Variants in ZKSCAN5 observed in about 807,000 individuals in gnomAD.
The protein encoded by ZKSCAN5 is zinc finger protein with KRAB and SCAN domains 5.
A neutral mutation model predicts 60.0 loss-of-function variants in ZKSCAN5; 28 were observed. The observed-to-expected ratio is 0.47, with a 90% confidence interval of 0.35 to 0.64. The LOEUF (loss-of-function observed/expected upper bound fraction) is 0.64, where lower values mean the gene tolerates loss of function less well. ZKSCAN5 is among the 30% of genes least tolerant of loss of function. The probability of loss-of-function intolerance (pLI) is 0.01; values close to 1 mark genes in which losing one functional copy is unlikely to be tolerated. For synonymous variants in ZKSCAN5, 361 were observed against 371.2 expected, an observed-to-expected ratio of 0.97 and a Z score of 0.31; for missense variants, 881 against 1,034.6, an observed-to-expected ratio of 0.85 and a Z score of 2.04.
At position 99,506,463 on chromosome 7, in the gene ZKSCAN5, G is replaced by C. The variant is rs2151091442; in HGVS notation, c.414+5G>C. The C allele has an allele frequency of 6.2e-7, 1 of 1,603,380 alleles. No individual in the cohort carries two copies. Among genetic ancestry groups the C allele is most frequent in the South Asian group, 1.1e-5 (1 of 89,992 alleles). On this transcript the variant is annotated splice_donor_5th_base_variant and intron_variant, in intron 2 of 6. Transcript: ENST00000326775. Reference sequence around the variant, plus strand: ...CTTGAGGAACGCAGACAGCAGGTGAGTCAAAGAGAAGCTATATGAGCAATG... The same window carrying C: ...CTTGAGGAACGCAGACAGCAGGTGACTCAAAGAGAAGCTATATGAGCAATG...
Position 99,511,907 on chromosome 7 carries a change from A to T in ZKSCAN5, c.415-546A>T, listed in dbSNP as rs191101629. ...CAGGTTCATGCCATTCTCCTGCCTCAGCCTCCTGAGTAGCTGGGACTACAG... is the reference window on the plus strand; with the variant it reads ...CAGGTTCATGCCATTCTCCTGCCTCTGCCTCCTGAGTAGCTGGGACTACAG... On this transcript the variant is annotated intron_variant, in intron 2 of 6. Coordinates refer to ENST00000326775, the MANE Select transcript of ZKSCAN5 (RefSeq NM_145102.4). Among the ~76,000 whole-genome samples, 632 of 152,002 alleles carry T rather than the reference A, an allele frequency of 4.2e-3. 5 individuals are homozygous for T. Among genetic ancestry groups the T allele is most frequent in the African/African-American group, 0.015 (613 of 41,432 alleles).
intron 3 of ZKSCAN5, among the ~76,000 whole-genome samples, chr7:99,518,303 C>T (rs1278279071): frequency 6.6e-6 from 1 of 151,904 alleles, no homozygotes; most frequent in Non-Finnish European, 1.5e-5. Context: ...CACCTGTAAT[C>T]CTAGCTACTC....
Position 99,532,184 on chromosome 7 carries a change from C to T in ZKSCAN5, c.2455C>T (p.His819Tyr), listed in dbSNP as rs781320477. 24 of 1,613,206 alleles carry T rather than the reference C, an allele frequency of 1.5e-5. 1 individual carries two copies. The South Asian group carries it at 2.4e-4, about 16-fold the overall frequency. ...CAGCTGGAGTTGTAGCCTCTTTAAA[C>T]ACCTGAGAAGCCATGAGAGGACAGA... ...NFSWSCSLFKHLRSHERTDPI... is the reference protein window; with the variant it reads ...NFSWSCSLFKYLRSHERTDPI... The change falls in exon 7 of 7, where the codon CAC (histidine) becomes TAC (tyrosine). Residue 819 changes from histidine to tyrosine, a missense_variant. Physicochemically the swap from His to Tyr is moderately conservative, Grantham distance 83. Around this residue, in one of 5 missense-constraint regions of ZKSCAN5, gnomAD observed 138 missense variants for 143.8 expected, o/e 0.96. Transcript: ENST00000326775.
chr7:99,511,587 G>A (rs965888753), intron 2 of ZKSCAN5, among the ~76,000 whole-genome samples: 2 of 150,956 alleles, frequency 1.3e-5, no homozygotes, highest in African/African-American at 4.9e-5. Flanking sequence ...GGACCACAGG[G>A]ACATGCCACC....
Position 99,532,884 on chromosome 7 carries a change from G to C in ZKSCAN5, c.*635G>C, listed in dbSNP as rs1802114203. 1 of 162,574 alleles carries C rather than the reference G, an allele frequency of 6.2e-6. No individual in the cohort carries two copies. Among genetic ancestry groups the C allele is most frequent in the Admixed American group, 6.0e-5 (1 of 16,604 alleles). 10.1% of individuals were successfully genotyped at this position (162,574 alleles called of 1,614,324 possible). ...GCCTTATTCAATCCACCACTTCTCTGTGAAACACTCTACCTTGTTTTTGGT... is the reference window on the plus strand; with the variant it reads ...GCCTTATTCAATCCACCACTTCTCTCTGAAACACTCTACCTTGTTTTTGGT... On this transcript the variant is annotated 3_prime_UTR_variant, in exon 7 of 7. Transcript: ENST00000326775.
At chr7:99,519,544 T>C (rs548764844) in intron 3 of ZKSCAN5, among the ~76,000 whole-genome samples, 2 of 152,274 alleles carry the variant, frequency 1.3e-5, no homozygotes, top group South Asian at 4.1e-4. Flanking sequence ...CCCAAAGTGC[T>C]GGTATTACAG....
chr7:99,505,934 C>T lies in ZKSCAN5; in HGVS notation c.-40-71C>T, dbSNP rs964055007. ...TCTTTGCTAATAATGATGCCCAATA[C>T]ATCAGTAGGTTGCATGCTACTGAAA... is the stretch of plus-strand genomic sequence containing the variant. On this transcript the variant is annotated intron_variant, in intron 1 of 6. Transcript: ENST00000326775. 18 of 1,273,462 alleles carry T rather than the reference C, an allele frequency of 1.4e-5. No homozygotes were observed. In the East Asian group the frequency reaches 1.6e-4, roughly 12 times the overall value. The allele number at this position is 1,273,462 out of a possible 1,614,324, so 78.9% of individuals were successfully genotyped here.
At chr7:99,507,253 C>T (rs1314162529) in intron 2 of ZKSCAN5, among the ~76,000 whole-genome samples, 1 of 152,046 alleles carries the variant, frequency 6.6e-6, no homozygotes, top group Non-Finnish European at 1.5e-5. Flanking sequence ...ACGCCACTGC[C>T]ATTGCAGCTA....
chr7:99,510,347 C>T (rs1011358420), intron 2 of ZKSCAN5, among the ~76,000 whole-genome samples: 1 of 152,142 alleles, frequency 6.6e-6, no homozygotes, highest in African/African-American at 2.4e-5. Flanking sequence ...GATTCTCCTG[C>T]GTCAGTCTCC....
chr7:99,527,958 G>A (rs899775797), intron 6 of ZKSCAN5, among the ~76,000 whole-genome samples: 2 of 151,952 alleles, frequency 1.3e-5, no homozygotes, highest in African/African-American at 4.8e-5. Flanking sequence ...CAAAGTGCTG[G>A]GATTATAGGT....
At chr7:99,518,016 T>C (rs1457022597) in intron 3 of ZKSCAN5, among the ~76,000 whole-genome samples, 1 of 152,134 alleles carries the variant, frequency 6.6e-6, no homozygotes, top group African/African-American at 2.4e-5. Flanking sequence ...ATTTAATACA[T>C]ATTTCTTGAC....
intron 5 of ZKSCAN5, among the ~76,000 whole-genome samples, chr7:99,521,021 G>T (rs1200654902): frequency 4.6e-5 from 7 of 151,804 alleles, no homozygotes. Flanking sequence ...TATAATCCTG[G>T]AAGCTAATAT....
intron 6 of ZKSCAN5, among the ~76,000 whole-genome samples, chr7:99,529,845 C>G (rs569525957): frequency 2.4e-4 from 36 of 150,762 alleles, no homozygotes; most frequent in Non-Finnish European, 4.1e-4. Context: ...AAGCAATTCT[C>G]TGCCTCAGCC....
Position 99,531,370 on chromosome 7 carries a change from A to G in ZKSCAN5, c.1641A>G (p.Arg547=), listed in dbSNP as rs765218150. 4 of 1,614,214 alleles carry G rather than the reference A, an allele frequency of 2.5e-6. No individual in the cohort carries two copies. The highest frequency in any genetic ancestry group is 1.6e-4 in the Middle Eastern group (1 of 6,062). The change falls in exon 7 of 7, where the codon AGA becomes AGG. Residue 547 remains arginine (R), a synonymous_variant. Transcript: ENST00000326775. ...YVHKKSSTGE[R]PHKCNECGKS... ...ACAAAAAATCCTCCACTGGAGAGAG[A>G]CCACATAAATGTAACGAGTGTGGGA...
intron 2 of ZKSCAN5, among the ~76,000 whole-genome samples, chr7:99,507,301 G>A (rs1800780750): frequency 6.6e-6 from 1 of 151,874 alleles, no homozygotes; most frequent in Non-Finnish European, 1.5e-5. Context: ...AACTTTTATG[G>A]AAGGAGTTTG....
At position 99,533,083 on chromosome 7, in the gene ZKSCAN5, G is replaced by A. The variant is rs1300732633; in HGVS notation, c.*834G>A. On this transcript the variant is annotated 3_prime_UTR_variant, in exon 7 of 7. Coordinates refer to ENST00000326775, the MANE Select transcript of ZKSCAN5 (RefSeq NM_145102.4). ...GATCTTGTATTACCCACAGGAATGAGGGCAGCTAAACCCATAGAAGGAGTT... is the reference window on the plus strand; with the variant it reads ...GATCTTGTATTACCCACAGGAATGAAGGCAGCTAAACCCATAGAAGGAGTT... The A allele has an allele frequency of 6.2e-6, 2 of 320,362 alleles. No individual in the cohort carries two copies. The highest frequency in any genetic ancestry group is 1.5e-4 in the East Asian group (2 of 13,476). 19.8% of individuals were successfully genotyped at this position (320,362 alleles called of 1,614,324 possible).
At position 99,526,354 on chromosome 7, in the gene ZKSCAN5, C is replaced by T; in HGVS notation, c.1314C>T (p.Asn438=). 6.2e-7 allele frequency: 1 copy of T among 1,606,144 alleles called. No individual in the cohort carries two copies. The highest frequency in any genetic ancestry group is 8.5e-7 in the Non-Finnish European group (1 of 1,179,998). The change falls in exon 6 of 7, where the codon AAC becomes AAT. Residue 438 remains asparagine (N), a synonymous_variant. Transcript: ENST00000326775. ...ATGGCTGCAATGAGTGTGGGAAGAACTTCGGTCGCCATTCGCATCTGATCG... is the reference window on the plus strand; with the variant it reads ...ATGGCTGCAATGAGTGTGGGAAGAATTTCGGTCGCCATTCGCATCTGATCG... ...RPYGCNECGK[N]FGRHSHLIEH... is the part of the protein sequence containing the mutation.
chr7:99,517,343 C>T (rs987306589), intron 3 of ZKSCAN5, among the ~76,000 whole-genome samples: 3 of 151,502 alleles, frequency 2.0e-5, no homozygotes, highest in Admixed American at 6.6e-5. Flanking sequence ...GGATTACAGG[C>T]GTGAGCCACT....
intron 3 of ZKSCAN5, among the ~76,000 whole-genome samples, chr7:99,517,298 G>A (rs371200389): frequency 1.3e-5 from 2 of 152,004 alleles, no homozygotes; most frequent in African/African-American, 2.4e-5. Flanking sequence ...TCCCAGCCTC[G>A]GGTGATCCAC....
Sources: gnomAD v4.1 joint callset for allele counts (sites outside exome capture counted in the v4.1 genomes callset) on GRCh38, gnomAD v4.1.1 for gene constraint, gnomAD v4.1.1 regional missense constraint, MANE v1.5 for transcripts, NCBI Gene and HGNC (gene_info 2026-07-23, HGNC 2026-07-21) for gene names.